The following OXR1 variants were observed in gnomAD, a reference collection of about 807,000 sequenced individuals.
The protein encoded by OXR1 is oxidation resistance 1, also known as oxidation resistance protein 1.
A neutral mutation model predicts 104.6 loss-of-function variants in OXR1; 41 were observed. That is an observed-to-expected ratio of 0.39 (90% CI 0.31 to 0.51). OXR1 has a LOEUF of 0.51. Among genes scored for constraint, OXR1 ranks in the 20% least tolerant of loss-of-function variants. The pLI is 0.77. For missense variants in OXR1, 955 were observed against 1,031.9 expected, an observed-to-expected ratio of 0.93 and a Z score of 1.02; for synonymous variants, 348 against 348.4, an observed-to-expected ratio of 1.00 and a Z score of 0.01.
intron 3 of OXR1, chr8:106,581,303 T>A: frequency 8.4e-7 from 1 of 1,183,752 alleles, no homozygotes; most frequent in Non-Finnish European, 1.1e-6. Context: ...TTCATTTGCC[T>A]AAAAAATGTC....
chr8:106,364,680 T>C (rs1816392563), intron 2 of OXR1, among the ~76,000 whole-genome samples: 1 of 152,158 alleles, frequency 6.6e-6, no homozygotes. Flanking sequence ...AAAGTTTTCT[T>C]TGTCAGATTA....
At chr8:106,465,170 G>A (rs573306483) in intron 2 of OXR1, among the ~76,000 whole-genome samples, 15 of 152,068 alleles carry the variant, frequency 9.9e-5, no homozygotes, top group African/African-American at 3.1e-4. Flanking sequence ...ATTTGGGATC[G>A]ATACTGGAAG....
At chr8:106,519,960 T>G (rs1167419667) in intron 3 of OXR1, among the ~76,000 whole-genome samples, 2 of 152,120 alleles carry the variant, frequency 1.3e-5, no homozygotes, top group African/African-American at 4.8e-5. Context: ...CAAAAGTTAC[T>G]AAACATCTAG....
chr8:106,638,331 A>G (rs1055009193), intron 3 of OXR1, among the ~76,000 whole-genome samples: 4 of 151,826 alleles, frequency 2.6e-5, no homozygotes, highest in African/African-American at 9.6e-5. Context: ...GTCGTATTTT[A>G]TCTATTCTAA....
At chr8:106,341,592 G>C (rs1208871143) in intron 1 of OXR1, among the ~76,000 whole-genome samples, 1 of 152,044 alleles carries the variant, frequency 6.6e-6, no homozygotes, top group Non-Finnish European at 1.5e-5. Context: ...GTTCTGTCCT[G>C]TTCACCATCT....
intron 2 of OXR1, among the ~76,000 whole-genome samples, chr8:106,470,955 G>T (rs954773802): frequency 1.3e-5 from 2 of 151,714 alleles, no homozygotes; most frequent in Admixed American, 6.6e-5. Flanking sequence ...CTTGATGTGG[G>T]CAGTTTTGGT....
chr8:106,300,637 G>A (rs73303176), intron 1 of OXR1, among the ~76,000 whole-genome samples: 33,446 of 152,038 alleles, frequency 0.22, 5,460 homozygotes, highest in African/African-American at 0.46. Context: ...GGCATTCAAT[G>A]ACTCATGTGT....
intron 2 of OXR1, among the ~76,000 whole-genome samples, chr8:106,386,902 C>CT (rs961838752): frequency 7.2e-5 from 11 of 152,016 alleles, no homozygotes; most frequent in African/African-American, 2.7e-4. Context: ...TTAAAAAAGG[C>CT]TTTTTTAAGA....
At chr8:106,608,167 G>A (rs1468233975) in intron 3 of OXR1, among the ~76,000 whole-genome samples, 3 of 152,108 alleles carry the variant, frequency 2.0e-5, no homozygotes, top group South Asian at 2.1e-4. Context: ...GTATGTGCCT[G>A]TAATCCCAGC....
rs578146052 is a variant in OXR1 at position 106,419,598 on chromosome 8, A to G, written c.23+59962A>G. Among the ~76,000 whole-genome samples the G allele has an allele frequency of 2.4e-4, 37 of 152,268 alleles. No individual in the cohort carries two copies. The East Asian group carries it at 6.8e-3, about 28-fold the overall frequency. Reference sequence around the variant, plus strand: ...TTTGTGGGGCTGCGGACGGCCTCCCAACAGGGCAGTTAGAGCCTACCAAAG... The same window carrying G: ...TTTGTGGGGCTGCGGACGGCCTCCCGACAGGGCAGTTAGAGCCTACCAAAG... On this transcript the variant is annotated intron_variant, in intron 2 of 16. Coordinates refer to ENST00000517566, the MANE Select transcript of OXR1 (RefSeq NM_001198533.2).
chr8:106,414,085 G>T (rs929469044), intron 2 of OXR1, among the ~76,000 whole-genome samples: 2 of 152,052 alleles, frequency 1.3e-5, no homozygotes, highest in African/African-American at 4.8e-5. Context: ...CTGTGCAGTA[G>T]TTTTCTTTCT....
chr8:106,565,499 C>T lies in OXR1; in HGVS notation c.220+46360C>T, dbSNP rs894659812. Reference sequence around the variant, plus strand: ...GAGAGGACAAAAATAAATGGAAAAACGTTCCATGCTCATGGATAGGAAGAA... The same window carrying T: ...GAGAGGACAAAAATAAATGGAAAAATGTTCCATGCTCATGGATAGGAAGAA... On this transcript the variant is annotated intron_variant, in intron 3 of 16. Transcript: ENST00000517566. 3.9e-5 allele frequency among the ~76,000 whole-genome samples: 6 copies of T among 152,132 alleles called. No individual in the cohort carries two copies. In the East Asian group the frequency reaches 7.7e-4, roughly 20 times the overall value.
chr8:106,461,782 T>G (rs548740187), intron 2 of OXR1, among the ~76,000 whole-genome samples: 1 of 151,836 alleles, frequency 6.6e-6, no homozygotes, highest in South Asian at 2.1e-4. Flanking sequence ...GTCACAAAAA[T>G]ATAAGGAATG....
At chr8:106,593,542 G>T (rs946604355) in intron 3 of OXR1, among the ~76,000 whole-genome samples, 4 of 152,206 alleles carry the variant, frequency 2.6e-5, no homozygotes, top group African/African-American at 9.7e-5. Context: ...ACTTTGGGAG[G>T]CCAAGGCGGG....
chr8:106,286,373 G>GTT (rs3044299), intron 1 of OXR1, among the ~76,000 whole-genome samples: 20 of 138,178 alleles, frequency 1.4e-4, no homozygotes, highest in African/African-American at 4.9e-4. Context: ...TTAAGTTAGG[G>GTT]TTTTTTTTTT....
chr8:106,398,736 C>T (rs1158284345), intron 2 of OXR1, among the ~76,000 whole-genome samples: 2 of 152,118 alleles, frequency 1.3e-5, no homozygotes, highest in Admixed American at 6.6e-5. Flanking sequence ...TGAGTAGCAG[C>T]AATTGCTCAG....
At chr8:106,534,499 T>C (rs926469694) in intron 3 of OXR1, among the ~76,000 whole-genome samples, 2 of 152,222 alleles carry the variant, frequency 1.3e-5, no homozygotes, top group Non-Finnish European at 2.9e-5. Flanking sequence ...GATAAAATTG[T>C]TTTACTAAAA....
At chr8:106,600,717 T>C (rs79730327) in intron 3 of OXR1, among the ~76,000 whole-genome samples, 3,484 of 152,292 alleles carry the variant, frequency 0.023, 134 homozygotes, top group African/African-American at 0.08. Context: ...CAATGTGATC[T>C]TACTTTTTCT....
At chr8:106,662,839 G>GGATGATGAT (rs5893799) in intron 3 of OXR1, among the ~76,000 whole-genome samples, 229 of 149,114 alleles carry the variant, frequency 1.5e-3, no homozygotes, top group Admixed American at 2.2e-3. Flanking sequence ...TCAGTAAATG[G>GGATGATGAT]GATGATGATG....
Sources: gnomAD v4.1 joint callset for allele counts (sites outside exome capture counted in the v4.1 genomes callset) on GRCh38, gnomAD v4.1.1 for gene constraint, MANE v1.5 for transcripts, NCBI Gene and HGNC (gene_info 2026-07-23, HGNC 2026-07-21) for gene names.